The following MAN1A1 variants were observed in gnomAD, a reference collection of about 807,000 sequenced individuals.
The protein encoded by MAN1A1 is mannosidase alpha class 1A member 1, also known as mannosyl-oligosaccharide 1,2-alpha-mannosidase IA.
In MAN1A1, 29 loss-of-function variants were observed where a neutral mutation model predicts 70.8. That is an observed-to-expected ratio of 0.41 (90% CI 0.31 to 0.56). The LOEUF is 0.56. Ranked by LOEUF, MAN1A1 falls within the 20% of genes least tolerant of loss-of-function variation. The probability of loss-of-function intolerance (pLI) is 0.29; values close to 1 mark genes in which losing one functional copy is unlikely to be tolerated. For synonymous variants in MAN1A1, 349 were observed against 330.1 expected (o/e 1.06, Z -0.62); for missense variants, 747 against 841.3 (o/e 0.89, Z 1.39).
chr6:119,244,866 T>C (rs1157120616), intron 6 of MAN1A1, among the ~76,000 whole-genome samples: 3 of 152,120 alleles, frequency 2.0e-5, no homozygotes, highest in Admixed American at 2.0e-4. Flanking sequence ...TGTTATCTTC[T>C]TGAATAAAGT....
chr6:119,206,805 T>TA (rs1773873278), intron 6 of MAN1A1, among the ~76,000 whole-genome samples: 1 of 152,224 alleles, frequency 6.6e-6, no homozygotes, highest in African/African-American at 2.4e-5. Context: ...TCAATAAGCC[T>TA]ATTTAGCAAA....
intron 8 of MAN1A1, among the ~76,000 whole-genome samples, chr6:119,194,462 T>G (rs1773515667): frequency 6.6e-6 from 1 of 152,152 alleles, no homozygotes; most frequent in Admixed American, 6.5e-5. Context: ...TGGCTGGGAC[T>G]ACAGGCACGC....
Position 119,348,932 on chromosome 6 carries a change from A to G in MAN1A1, c.134T>C (p.Leu45Pro). The change falls in exon 2 of 13, where the codon CTG becomes CCG. Residue 45 changes from leucine (L) to proline (P), a missense_variant. Leu to Pro is a moderately conservative substitution (Grantham distance 98, BLOSUM62 -3). Transcript: ENST00000368468. The part of the protein sequence containing the change: ...ALRLTEKFVL[L>P]LVFSAFITLC... ...CGTGATGAAGGCGCTGAATACCAGC[A>G]GCAGCACGAACTTCTCCGTCAGGCG... The G allele has an allele frequency of 6.5e-7, 1 of 1,533,410 alleles. No individual in the cohort carries two copies. Among genetic ancestry groups the G allele is most frequent in the Non-Finnish European group, 8.8e-7 (1 of 1,140,456 alleles). The allele number at this position is 1,533,410 out of a possible 1,614,324, so 95.0% of individuals were successfully genotyped here.
chr6:119,299,734 T>C (rs570804738), intron 4 of MAN1A1, among the ~76,000 whole-genome samples: 2 of 152,310 alleles, frequency 1.3e-5, no homozygotes, highest in South Asian at 2.1e-4. Flanking sequence ...ACTAAATTCA[T>C]CTTTCCTTCT....
chr6:119,295,395 T>G (rs1022905676), intron 4 of MAN1A1, among the ~76,000 whole-genome samples: 1 of 152,122 alleles, frequency 6.6e-6, no homozygotes, highest in African/African-American at 2.4e-5. Context: ...TTGGAGCAGA[T>G]TCAGCCAGTT....
chr6:119,344,984 C>G (rs1257630627), intron 2 of MAN1A1, among the ~76,000 whole-genome samples: 1 of 152,162 alleles, frequency 6.6e-6, no homozygotes, highest in South Asian at 2.1e-4. Context: ...TCTGCACATA[C>G]CCCTAACCCC....
chr6:119,189,942 A>G (rs1773396996), intron 9 of MAN1A1, 59 bp from the exon 10 acceptor site: 1 of 1,308,398 alleles, frequency 7.6e-7, no homozygotes, highest in African/African-American at 1.5e-5. Context: ...TATACTAAAA[A>G]TATGCCCAAC....
chr6:119,275,634 G>T (rs570141384), intron 5 of MAN1A1, among the ~76,000 whole-genome samples: 8 of 151,940 alleles, frequency 5.3e-5, no homozygotes, highest in African/African-American at 1.9e-4. Context: ...TAGAGACGGG[G>T]TTTCACCATG....
intron 6 of MAN1A1, among the ~76,000 whole-genome samples, chr6:119,232,566 T>C (rs1774714203): frequency 6.6e-6 from 1 of 152,046 alleles, no homozygotes; most frequent in East Asian, 1.9e-4. Context: ...TTCTTTCGGT[T>C]CCAATAGTTC....
chr6:119,312,317 T>C (rs796188590), intron 2 of MAN1A1, among the ~76,000 whole-genome samples: 2 of 152,342 alleles, frequency 1.3e-5, no homozygotes, highest in African/African-American at 4.8e-5. Context: ...TTGGCTGTCA[T>C]ATAAAAGTAA....
intron 6 of MAN1A1, among the ~76,000 whole-genome samples, chr6:119,224,954 C>T (rs1774464495): frequency 6.6e-6 from 1 of 151,964 alleles, no homozygotes; most frequent in Non-Finnish European, 1.5e-5. Context: ...TGGTGAAATC[C>T]CGTCTCTACT....
intron 4 of MAN1A1, among the ~76,000 whole-genome samples, chr6:119,298,714 A>T (rs1413763089): frequency 6.6e-6 from 1 of 151,358 alleles, no homozygotes; most frequent in Non-Finnish European, 1.5e-5. Flanking sequence ...CTCCTGCCTC[A>T]GCCCCCCAAG....
chr6:119,269,136 A>G lies in MAN1A1; in HGVS notation c.898-20782T>C, dbSNP rs529993670. On this transcript the variant is annotated intron_variant, in intron 5 of 12. Coordinates refer to ENST00000368468, the MANE Select transcript of MAN1A1 (RefSeq NM_005907.4). ...GAATAAACAGTCTTTAGTGGGCTCA[A>G]ACCAGGAGTCCATAGGTCTTGAGGA... 2.3e-5 allele frequency: 4 copies of G among 172,612 alleles called. No individual in the cohort carries two copies. In the South Asian group the frequency reaches 4.4e-4, roughly 19 times the overall value. 10.7% of individuals were successfully genotyped at this position (172,612 alleles called of 1,614,324 possible).
intron 4 of MAN1A1, among the ~76,000 whole-genome samples, chr6:119,294,855 A>G (rs79479796): frequency 0.028 from 4,250 of 152,252 alleles, 93 homozygotes; most frequent in Non-Finnish European, 0.045. Context: ...AGAGATGAGT[A>G]TTACAAATCA....
intron 5 of MAN1A1, among the ~76,000 whole-genome samples, chr6:119,262,328 A>T (rs1242645853): frequency 6.6e-6 from 1 of 152,174 alleles, no homozygotes; most frequent in Non-Finnish European, 1.5e-5. Context: ...GGAAAAAGAA[A>T]CTATCTTATT....
chr6:119,295,650 G>T lies in MAN1A1; in HGVS notation c.817-4887C>A, dbSNP rs189428349. ...ATTCTGAGTGTTTGATTTTCAGAGTGAACTAAAAGTGTAATAGTTTTTGTT... is the reference window on the plus strand; with the variant it reads ...ATTCTGAGTGTTTGATTTTCAGAGTTAACTAAAAGTGTAATAGTTTTTGTT... On this transcript the variant is annotated intron_variant, in intron 4 of 12. Coordinates refer to ENST00000368468, the MANE Select transcript of MAN1A1 (RefSeq NM_005907.4). Among the ~76,000 whole-genome samples, 276 of 152,212 alleles carry T rather than the reference G, an allele frequency of 1.8e-3. 1 individual carries two copies. Among genetic ancestry groups the T allele is most frequent in the South Asian group, 0.013 (63 of 4,824 alleles).
intron 6 of MAN1A1, among the ~76,000 whole-genome samples, chr6:119,234,138 A>C (rs1774771789): frequency 6.6e-6 from 1 of 152,190 alleles, no homozygotes. Flanking sequence ...TTGATCTCCC[A>C]CTTCAAGATA....
chr6:119,261,574 C>G (rs1323515132), intron 5 of MAN1A1, among the ~76,000 whole-genome samples: 1 of 152,136 alleles, frequency 6.6e-6, no homozygotes, highest in Non-Finnish European at 1.5e-5. Context: ...ATAACTTCCA[C>G]TCCTCTTCAA....
At chr6:119,228,379 T>C (rs1451240030) in intron 6 of MAN1A1, among the ~76,000 whole-genome samples, 2 of 152,166 alleles carry the variant, frequency 1.3e-5, no homozygotes, top group African/African-American at 2.4e-5. Context: ...TATTATTGAC[T>C]TAGGGTTTTC....
Sources: allele counts gnomAD v4.1 joint callset (sites outside exome capture counted in the v4.1 genomes callset), GRCh38; gene constraint gnomAD v4.1.1; transcripts MANE v1.5; gene names NCBI Gene and HGNC (gene_info 2026-07-23, HGNC 2026-07-21).